TMEM140: variants seen among roughly 807,000 people sequenced by gnomAD.
TMEM140 encodes transmembrane protein 140.
For synonymous variants in TMEM140, 107 were observed against 106.8 expected, an observed-to-expected ratio of 1.00 and a Z score of -0.01; for missense variants, 236 against 228.5, an observed-to-expected ratio of 1.03 and a Z score of -0.21.
intron 1 of TMEM140, among the ~76,000 whole-genome samples, chr7:135,148,501 T>C (rs1214174309): frequency 2.0e-5 from 3 of 152,208 alleles, no homozygotes; most frequent in African/African-American, 7.2e-5. Context: ...TGTGTAGCTC[T>C]GGCCTCAAAG....
intron 1 of TMEM140, among the ~76,000 whole-genome samples, chr7:135,160,223 C>G (rs1829894544): frequency 6.6e-6 from 1 of 152,158 alleles, no homozygotes. Flanking sequence ...CTTTTCTCTG[C>G]ACTTTCATGT....
chr7:135,159,641 C>G (rs1181626054), intron 1 of TMEM140, among the ~76,000 whole-genome samples: 1 of 152,182 alleles, frequency 6.6e-6, no homozygotes, highest in East Asian at 1.9e-4. Context: ...TTATACTTTA[C>G]TGTCACAACT....
Position 135,161,600 on chromosome 7 carries a change from G to A in TMEM140, c.-24-2818G>A, listed in dbSNP as rs1273402223. Among the ~76,000 whole-genome samples the A allele has an allele frequency of 4.6e-5, 7 of 152,236 alleles. No homozygotes were observed. Among genetic ancestry groups the A allele is most frequent in the Middle Eastern group, 3.4e-3 (1 of 294 alleles). On this transcript the variant is annotated intron_variant, in intron 1 of 1. Coordinates refer to ENST00000275767, the MANE Select transcript of TMEM140 (RefSeq NM_018295.5). The surrounding 1 kb of genome is among the most constrained non-coding windows in gnomAD (Gnocchi z 4.1). ...GCAAAACCATACAAAATATGTTCCC[G>A]TCGGCAATTTTTCCCATACCATGGA...
At chr7:135,154,792 T>C (rs778261869) in intron 1 of TMEM140, among the ~76,000 whole-genome samples, 5 of 152,246 alleles carry the variant, frequency 3.3e-5, no homozygotes, top group Non-Finnish European at 7.3e-5. Flanking sequence ...TGGAGAATGT[T>C]CCATGTGCTG....
At chr7:135,160,422 A>G (rs982276548) in intron 1 of TMEM140, among the ~76,000 whole-genome samples, 1 of 152,264 alleles carries the variant, frequency 6.6e-6, no homozygotes, top group South Asian at 2.1e-4. Context: ...AAGAAAAACA[A>G]AAACCAGGGA....
chr7:135,152,705 C>T (rs1181711058), intron 1 of TMEM140: 4 of 152,182 alleles, frequency 2.6e-5, no homozygotes, highest in Non-Finnish European at 4.4e-5. Context: ...GCAAGTTCTT[C>T]CCTCCCTGGT....
At chr7:135,149,546 A>G (rs1829621128) in intron 1 of TMEM140, among the ~76,000 whole-genome samples, 1 of 152,214 alleles carries the variant, frequency 6.6e-6, no homozygotes, top group Non-Finnish European at 1.5e-5. Context: ...TAGATTTATA[A>G]AAGTGGGCCA....
Position 135,164,568 on chromosome 7 carries a change from C to T in TMEM140, c.127C>T (p.Pro43Ser), listed in dbSNP as rs1161522418. 6.2e-7 allele frequency: 1 copy of T among 1,614,092 alleles called. No individual in the cohort carries two copies. Among genetic ancestry groups the T allele is most frequent in the Non-Finnish European group, 8.5e-7 (1 of 1,180,032 alleles). The change falls in exon 2 of 2, where the codon CCC (proline) becomes TCC (serine). Residue 43 changes from proline to serine, a missense_variant. By Grantham distance (74) the Pro-to-Ser change is moderately conservative. Coordinates refer to ENST00000275767, the MANE Select transcript of TMEM140 (RefSeq NM_018295.5). ...GGAGGCTGGCAACCTCACTGACCTG[C>T]CCAACCTGAGAATCGGCTTCTATAA... ...LWEAGNLTDL[P>S]NLRIGFYNFC...
Position 135,151,957 on chromosome 7 carries a change from G to A in TMEM140, c.-25+3687G>A, listed in dbSNP as rs573710151. On this transcript the variant is annotated intron_variant, in intron 1 of 1. Transcript: ENST00000275767. This position sits in a 1 kb window ranked among gnomAD's most constrained non-coding sequence, Gnocchi z 4.3. ...AGTTCATCTCTGGGAATGAACCCTG[G>A]CACTATTTGTCTTCCTAGAATCTCA... is the stretch of plus-strand genomic sequence containing the variant. Among the ~76,000 whole-genome samples the A allele has an allele frequency of 6.6e-6, 1 of 152,250 alleles. No individual in the cohort carries two copies. Among genetic ancestry groups the A allele is most frequent in the East Asian group, 1.9e-4 (1 of 5,182 alleles).
At chr7:135,157,363 G>A (rs1422814529) in intron 1 of TMEM140, among the ~76,000 whole-genome samples, 1 of 152,228 alleles carries the variant, frequency 6.6e-6, no homozygotes, top group East Asian at 1.9e-4. Flanking sequence ...TTTCCTCAGT[G>A]GGATAGAGTA....
At chr7:135,149,830 T>C (rs1483525633) in intron 1 of TMEM140, among the ~76,000 whole-genome samples, 1 of 152,270 alleles carries the variant, frequency 6.6e-6, no homozygotes, top group Admixed American at 6.5e-5. Context: ...TATTTGTCCA[T>C]TTTTAATGAG....
chr7:135,159,059 G>A (rs185517689), intron 1 of TMEM140, among the ~76,000 whole-genome samples: 64 of 152,334 alleles, frequency 4.2e-4, no homozygotes, highest in African/African-American at 1.5e-3. Context: ...GAGCCCTAGG[G>A]GGTTCTCTCT....
chr7:135,164,950 T>C lies in TMEM140; in HGVS notation c.509T>C (p.Val170Ala). ...LLILLLIAMA[V>A]FPLRAERAES... The stretch of plus-strand genomic sequence containing the variant: ...ATCCTCTTGCTTATAGCCATGGCTG[T>C]GTTCCCTCTGAGGGCTGAGAGGGCT... The change falls in exon 2 of 2, where the codon GTG becomes GCG. Residue 170 changes from valine to alanine, a missense_variant. Transcript: ENST00000275767. 6.2e-7 allele frequency: 1 copy of C among 1,611,412 alleles called. No individual in the cohort carries two copies. Among genetic ancestry groups the C allele is most frequent in the East Asian group, 2.2e-5 (1 of 44,800 alleles).
At chr7:135,158,169 G>A (rs2117449789) in intron 1 of TMEM140, among the ~76,000 whole-genome samples, 1 of 152,144 alleles carries the variant, frequency 6.6e-6, no homozygotes, top group South Asian at 2.1e-4. Flanking sequence ...CCTGTGACCA[G>A]GAGGGCAGGG....
At position 135,164,756 on chromosome 7, in the gene TMEM140, G is replaced by A; in HGVS notation, c.315G>A (p.Gln105=). The A allele has an allele frequency of 6.2e-7, 1 of 1,614,232 alleles. No individual in the cohort carries two copies. Among genetic ancestry groups the A allele is most frequent in the Non-Finnish European group, 8.5e-7 (1 of 1,180,028 alleles). The change falls in exon 2 of 2, where the codon CAG becomes CAA. Residue 105 remains glutamine (Q), a synonymous_variant. Coordinates refer to ENST00000275767, the MANE Select transcript of TMEM140 (RefSeq NM_018295.5). ...LFAPQPLLLA[Q]CNSDERAWRL... ...CCCCCCAGCCTCTCCTCCTAGCCCA[G>A]TGCAACAGTGATGAGAGAGCGTGGC...
intron 1 of TMEM140, among the ~76,000 whole-genome samples, chr7:135,159,986 T>A (rs1167753334): frequency 6.6e-6 from 1 of 152,218 alleles, no homozygotes; most frequent in Non-Finnish European, 1.5e-5. Flanking sequence ...CATAGCATTA[T>A]AAAATAATGT....
At chr7:135,152,700 T>C (rs1829694169) in intron 1 of TMEM140, 1 of 152,224 alleles carries the variant, frequency 6.6e-6, no homozygotes, top group African/African-American at 2.4e-5. Context: ...TCAAAGCAAG[T>C]TCTTCCCTCC....
Position 135,165,215 on chromosome 7 carries a change from T to G in TMEM140, c.*216T>G. 1 of 529,790 alleles carries G rather than the reference T, an allele frequency of 1.9e-6. No homozygotes were observed. The highest frequency in any genetic ancestry group is 3.4e-6 in the Non-Finnish European group (1 of 292,472). 32.8% of individuals were successfully genotyped at this position (529,790 alleles called of 1,614,324 possible). On this transcript the variant is annotated 3_prime_UTR_variant, in exon 2 of 2. Transcript: ENST00000275767. ...ACAAGATTGTCTGTCCTTCAGGACT[T>G]CCAAGGCTCCCAAAGACTCCCTAAA...
chr7:135,159,795 C>A (rs1393676214), intron 1 of TMEM140, among the ~76,000 whole-genome samples: 1 of 152,192 alleles, frequency 6.6e-6, no homozygotes, highest in East Asian at 1.9e-4. Context: ...TCAACAAACA[C>A]TTGAAAATGT....
Sources: gnomAD v4.1 joint callset for allele counts (sites outside exome capture counted in the v4.1 genomes callset) on GRCh38, gnomAD v4.1.1 for gene constraint, Gnocchi (gnomAD v3.1) non-coding constraint, MANE v1.5 for transcripts, NCBI Gene and HGNC (gene_info 2026-07-23, HGNC 2026-07-21) for gene names.